The following CAMLG variants were observed in gnomAD, a reference collection of about 807,000 sequenced individuals.
The protein encoded by CAMLG is calcium modulating ligand, also known as guided entry of tail-anchored proteins factor CAMLG.
In CAMLG, 23 loss-of-function variants were observed where a neutral mutation model predicts 28.9. That is an observed-to-expected ratio of 0.80 (90% CI 0.57 to 1.13). The LOEUF is 1.13. Among genes scored for constraint, CAMLG ranks in the 50% most tolerant of loss-of-function variants. CAMLG has a pLI of 0.00. For missense variants in CAMLG, 367 were observed against 371.9 expected, an observed-to-expected ratio of 0.99 and a Z score of 0.11; for synonymous variants, 141 against 146.5, an observed-to-expected ratio of 0.96 and a Z score of 0.27.
chr5:134,750,860 G>C lies in CAMLG; in HGVS notation c.801G>C (p.Met267Ile). ...INRSMDTYSK[M>I]GEVFTDLCVY... is the part of the protein sequence containing the mutation. ...GATCAATGGATACCTATAGCAAAAT[G>C]GGCGAAGTCTTCACAGATCTCTGTG... The change falls in exon 4 of 4, where the codon ATG (methionine) becomes ATC (isoleucine). Residue 267 changes from methionine (M) to isoleucine (I), a missense_variant. Met to Ile is a conservative substitution (Grantham distance 10). Coordinates refer to ENST00000297156, the MANE Select transcript of CAMLG (RefSeq NM_001745.4). 6.2e-7 allele frequency: 1 copy of C among 1,613,906 alleles called. No homozygotes were observed. Among genetic ancestry groups the C allele is most frequent in the Non-Finnish European group, 8.5e-7 (1 of 1,179,894 alleles).
At chr5:134,748,930 A>G (rs1232117310) in intron 3 of CAMLG, among the ~76,000 whole-genome samples, 1 of 152,134 alleles carries the variant, frequency 6.6e-6, no homozygotes, top group Non-Finnish European at 1.5e-5. Flanking sequence ...ACATTGTATG[A>G]CTATATCCAT....
At chr5:134,749,564 G>A (rs943954414) in intron 3 of CAMLG, among the ~76,000 whole-genome samples, 6 of 152,114 alleles carry the variant, frequency 3.9e-5, no homozygotes, top group African/African-American at 1.4e-4. Flanking sequence ...GGATTCCTTT[G>A]CATAACAATT....
intron 2 of CAMLG, 43 bp from the exon 3 acceptor site, chr5:134,743,944 T>C (rs1313566327): frequency 2.4e-6 from 2 of 847,282 alleles, no homozygotes; most frequent in Non-Finnish European, 3.9e-6. Flanking sequence ...GTGATTTGAA[T>C]GATTATGTTG....
chr5:134,738,804 G>T lies in CAMLG; in HGVS notation c.172+12G>T, dbSNP rs764828380. 6.2e-7 allele frequency: 1 copy of T among 1,613,414 alleles called. No homozygotes were observed. The highest frequency in any genetic ancestry group is 8.5e-7 in the Non-Finnish European group (1 of 1,179,518). Reference sequence around the variant, plus strand: ...CGGGAGCGGCGCGGGTAAGAGCCTCGATTTCCCCTCAGTCTCCCGCCCATC... The same window carrying T: ...CGGGAGCGGCGCGGGTAAGAGCCTCTATTTCCCCTCAGTCTCCCGCCCATC... On this transcript the variant is annotated intron_variant, in intron 1 of 3. Transcript: ENST00000297156.
rs1752975044 is a variant in CAMLG, at chr5:134,740,963, T to A, written c.173-100T>A. Reference sequence around the variant, plus strand: ...TATTTATTTATTTTGATGCAGAGGCTGCTGAGTTCTAGCTGCAACAGCATA... The same window carrying A: ...TATTTATTTATTTTGATGCAGAGGCAGCTGAGTTCTAGCTGCAACAGCATA... On this transcript the variant is annotated intron_variant, in intron 1 of 3. Transcript: ENST00000297156. 6 of 750,742 alleles carry A rather than the reference T, an allele frequency of 8.0e-6. No homozygotes were observed. The South Asian group carries it at 1.1e-4, about 14-fold the overall frequency. The allele number at this position is 750,742 out of a possible 1,614,324, so 46.5% of individuals were successfully genotyped here.
rs753199494 is a variant in CAMLG at position 134,750,759 on chromosome 5, A to G, written c.700A>G (p.Ser234Gly). 8.1e-6 allele frequency: 13 copies of G among 1,606,200 alleles called. No homozygotes were observed. The highest frequency in any genetic ancestry group is 1.1e-5 in the Non-Finnish European group (13 of 1,173,392). ...TTAATTTGAGTCTTTCTCTACACAGAGTGAAAAGAAGATAAAGACAACAGT... is the reference window on the plus strand; with the variant it reads ...TTAATTTGAGTCTTTCTCTACACAGGGTGAAAAGAAGATAAAGACAACAGT... ...YMGLYKYFPK[S>G]EKKIKTTVLT... is the part of the protein sequence containing the mutation. The change falls in exon 4 of 4, where the codon AGT becomes GGT. Residue 234 changes from serine (S) to glycine (G), a missense_variant and splice_region_variant. Transcript: ENST00000297156.
Position 134,741,499 on chromosome 5 carries a change from C to T in CAMLG, c.609C>T (p.Val203=), listed in dbSNP as rs1752984186. The T allele has an allele frequency of 2.5e-6, 4 of 1,607,564 alleles. No individual in the cohort carries two copies. Among genetic ancestry groups the T allele is most frequent in the Non-Finnish European group, 3.4e-6 (4 of 1,175,594 alleles). Residue 203 remains valine, a synonymous_variant, in exon 2 of 4, where the codon GTC becomes GTT. Coordinates refer to ENST00000297156, the MANE Select transcript of CAMLG (RefSeq NM_001745.4). The part of the protein sequence containing the change: ...LVGCALLALG[V]RAFVCKYLSI... The stretch of plus-strand genomic sequence containing the variant: ...GATGTGCTCTTCTTGCTCTTGGAGT[C>T]AGAGCTTTTGTTTGCAAATACTTGG...
chr5:134,752,050 A>C lies in CAMLG; in HGVS notation c.*1100A>C, dbSNP rs1265651575. On this transcript the variant is annotated 3_prime_UTR_variant, in exon 4 of 4. Transcript: ENST00000297156. ...TTGGGTTGTCTTCTTAAAAGAATAT[A>C]AGACTAAAGTGTTAATGTCACTTGG... The C allele has an allele frequency of 6.6e-6, 1 of 152,210 alleles. No individual in the cohort carries two copies. The highest frequency in any genetic ancestry group is 1.5e-5 in the Non-Finnish European group (1 of 68,038). 9.4% of individuals were successfully genotyped at this position (152,210 alleles called of 1,614,324 possible).
chr5:134,738,780 G>C lies in CAMLG; in HGVS notation c.160G>C (p.Gly54Arg). The change falls in exon 1 of 4, where the codon GGG becomes CGG. Residue 54 changes from glycine (G) to arginine (R), a missense_variant. Physicochemically the swap from Gly to Arg is moderately radical, Grantham distance 125 (BLOSUM62 -2). Coordinates refer to ENST00000297156, the MANE Select transcript of CAMLG (RefSeq NM_001745.4). ...INRIMGFHRP[G>R]SGAEEESQTK... ...CCGGATCATGGGCTTTCACAGGCCC[G>C]GGAGCGGCGCGGGTAAGAGCCTCGA... The C allele has an allele frequency of 6.2e-7, 1 of 1,614,008 alleles. No individual in the cohort carries two copies. Among genetic ancestry groups the C allele is most frequent in the Non-Finnish European group, 8.5e-7 (1 of 1,179,966 alleles).
chr5:134,741,030 A>G (rs1217958492), intron 1 of CAMLG, 33 bp from the exon 2 acceptor site: 1 of 1,478,930 alleles, frequency 6.8e-7, no homozygotes, highest in Non-Finnish European at 9.4e-7. Context: ...AGTATGGAAT[A>G]AATACATAAG....
chr5:134,744,187 T>C (rs1347537805), intron 3 of CAMLG, 135 bp downstream of exon 3: 1 of 571,868 alleles, frequency 1.7e-6, no homozygotes, highest in East Asian at 3.0e-5. Context: ...TGCCCACTTA[T>C]CTCCAAACTA....
rs1379996064 is a variant in CAMLG at position 134,746,898 on chromosome 5, G to A, written c.699+2846G>A. 2.6e-5 allele frequency among the ~76,000 whole-genome samples: 4 copies of A among 152,142 alleles called. No homozygotes were observed. The East Asian group carries it at 7.8e-4, about 30-fold the overall frequency. ...AGGCTGGGAGTTCTTGACCAACCTG[G>A]CCAACATGGTGAAACGCTATGTCTG... On this transcript the variant is annotated intron_variant, in intron 3 of 3. Transcript: ENST00000297156.
rs1753037079 is a variant in CAMLG at position 134,745,544 on chromosome 5, G to A, written c.699+1492G>A. On this transcript the variant is annotated intron_variant, in intron 3 of 3. Transcript: ENST00000297156. ...AGGGGGGTGGATCACCTGAGGTCAG[G>A]AGCTCGAGACTGGCCTGGCCAACAT... Among the ~76,000 whole-genome samples the A allele has an allele frequency of 2.0e-5, 3 of 152,120 alleles. No homozygotes were observed. In the South Asian group the frequency reaches 6.2e-4, roughly 32 times the overall value.
At position 134,752,126 on chromosome 5, in the gene CAMLG, T is replaced by C. The variant is rs1026459384; in HGVS notation, c.*1176T>C. The C allele has an allele frequency of 3.3e-5, 5 of 152,356 alleles. No homozygotes were observed. Among genetic ancestry groups the C allele is most frequent in the Admixed American group, 3.3e-4 (5 of 15,298 alleles). The allele number at this position is 152,356 out of a possible 1,614,324, so 9.4% of individuals were successfully genotyped here. On this transcript the variant is annotated 3_prime_UTR_variant, in exon 4 of 4. Coordinates refer to ENST00000297156, the MANE Select transcript of CAMLG (RefSeq NM_001745.4). ...TATAGTCTAATTTGGTTAATCCTTG[T>C]GACATTAAAAACACATACACTTTTT...
Position 134,743,556 on chromosome 5 carries a change from C to T in CAMLG, c.634-431C>T, listed in dbSNP as rs189807051. On this transcript the variant is annotated intron_variant, in intron 2 of 3. Coordinates refer to ENST00000297156, the MANE Select transcript of CAMLG (RefSeq NM_001745.4). ...CTGCACTCCAGCCTGGGTGACAGAG[C>T]GAGACTCCATCTTAAAAAAAAAAAG... is the stretch of plus-strand genomic sequence containing the variant. 3.7e-3 allele frequency among the ~76,000 whole-genome samples: 527 copies of T among 143,910 alleles called. 4 individuals carry two copies. The highest frequency in any genetic ancestry group is 0.017 in the South Asian group (77 of 4,506). The allele number at this position is 143,910 out of a possible 152,430, so 94.4% of individuals were successfully genotyped here.
chr5:134,743,682 A>G (rs1443807541), intron 2 of CAMLG, among the ~76,000 whole-genome samples: 1 of 152,078 alleles, frequency 6.6e-6, no homozygotes, highest in African/African-American at 2.4e-5. Flanking sequence ...ACTGGCCAAC[A>G]TGGTGAAACC....
intron 3 of CAMLG, among the ~76,000 whole-genome samples, chr5:134,745,550 G>A (rs538961100): frequency 5.3e-5 from 8 of 152,040 alleles, no homozygotes; most frequent in African/African-American, 1.2e-4. Flanking sequence ...TCAGGAGCTC[G>A]AGACTGGCCT....
Position 134,738,674 on chromosome 5 carries a change from G to T in CAMLG, c.54G>T (p.Ala18=), listed in dbSNP as rs1752947413. The change falls in exon 1 of 4, where the codon GCG becomes GCT. Residue 18 remains alanine (A), a synonymous_variant. Transcript: ENST00000297156. ...TDGGERPGVP[A]GSGLSASQRR... ...GCGGGGAGAGGCCGGGGGTCCCAGC[G>T]GGCTCAGGTCTGTCGGCTTCCCAGC... is the stretch of plus-strand genomic sequence containing the variant. The T allele has an allele frequency of 1.5e-5, 24 of 1,613,760 alleles. No individual in the cohort carries two copies. The highest frequency in any genetic ancestry group is 1.9e-5 in the Non-Finnish European group (23 of 1,179,902).
chr5:134,740,482 T>C (rs1435594646), intron 1 of CAMLG, among the ~76,000 whole-genome samples: 1 of 152,220 alleles, frequency 6.6e-6, no homozygotes, highest in Admixed American at 6.5e-5. Flanking sequence ...CTGAATATCT[T>C]TCCCAGTTTG....
Sources: gnomAD v4.1 joint callset for allele counts (sites outside exome capture counted in the v4.1 genomes callset) on GRCh38, gnomAD v4.1.1 for gene constraint, MANE v1.5 for transcripts, NCBI Gene and HGNC (gene_info 2026-07-23, HGNC 2026-07-21) for gene names.